The following LARGE1 variants were observed in gnomAD, a reference collection of about 807,000 sequenced individuals.
LARGE1 encodes xylosyl- and glucuronyltransferase LARGE1.
LARGE1 carries 43 observed loss-of-function variants against 87.6 expected under a neutral mutation model. That is an observed-to-expected ratio of 0.49 (90% CI 0.38 to 0.63). The LOEUF (loss-of-function observed/expected upper bound fraction) is 0.63, where lower values mean the gene tolerates loss of function less well. Ranked by LOEUF, LARGE1 falls within the 30% of genes least tolerant of loss-of-function variation. The pLI is 0.00. For synonymous variants in LARGE1, 434 were observed against 394.6 expected, an observed-to-expected ratio of 1.10 and a Z score of -1.18; for missense variants, 802 against 1,000.2, an observed-to-expected ratio of 0.80 and a Z score of 2.67.
chr22:33,769,243 G>C (rs1289636806), intron 1 of LARGE1, among the ~76,000 whole-genome samples: 1 of 152,162 alleles, frequency 6.6e-6, no homozygotes, highest in Middle Eastern at 3.2e-3. Flanking sequence ...TGACTGAAGA[G>C]CACCAGCACC....
chr22:33,339,077 G>C (rs1035505733), intron 9 of LARGE1, among the ~76,000 whole-genome samples: 11 of 151,768 alleles, frequency 7.2e-5, no homozygotes, highest in Admixed American at 2.0e-4. Context: ...GAACCCAGGA[G>C]GTGGAGGTTG....
At chr22:33,624,655 CT>C (rs1213364024) in intron 4 of LARGE1, among the ~76,000 whole-genome samples, 2 of 152,164 alleles carry the variant, frequency 1.3e-5, no homozygotes, top group Non-Finnish European at 1.5e-5. Flanking sequence ...ACAGAAAGCA[CT>C]ATGGAGATCA....
At chr22:33,736,604 A>G (rs534617036) in intron 2 of LARGE1, among the ~76,000 whole-genome samples, 3 of 152,334 alleles carry the variant, frequency 2.0e-5, no homozygotes, top group African/African-American at 7.2e-5. Context: ...TTCTTGAAGG[A>G]ACCCTCTGAA....
chr22:33,112,713 A>G, the LARGE1 span, among the ~76,000 whole-genome samples: 1 of 152,192 alleles, frequency 6.6e-6, no homozygotes, highest in East Asian at 1.9e-4. Context: ...GTTAGGACAC[A>G]AAGAGAATGT....
At chr22:33,898,181 T>A (rs2065193757) in intron 1 of LARGE1, among the ~76,000 whole-genome samples, 1 of 152,190 alleles carries the variant, frequency 6.6e-6, no homozygotes, top group Non-Finnish European at 1.5e-5. Context: ...TCCTGAATGA[T>A]GCGGAAGACA....
At chr22:33,813,148 G>A (rs2086549502) in intron 1 of LARGE1, among the ~76,000 whole-genome samples, 1 of 151,776 alleles carries the variant, frequency 6.6e-6, no homozygotes, top group Admixed American at 6.6e-5. Context: ...CTGAGGTCAG[G>A]AGCTCGAGAC....
intron 6 of LARGE1, among the ~76,000 whole-genome samples, chr22:33,558,227 T>G (rs897514575): frequency 3.3e-4 from 50 of 152,184 alleles, no homozygotes; most frequent in African/African-American, 1.2e-3. Flanking sequence ...AAAATCTGAC[T>G]GGCATAAGGT....
rs2077234651 is a variant in LARGE1 at position 33,542,234 on chromosome 22, TATAGA to T, written c.787+22609_787+22613del. ...CTGCTACCAGATCTGTCTCCAGAGATATAGACTACAATCTAGCATGATTTGGAAGC... is the reference window on the plus strand; with the variant it reads ...CTGCTACCAGATCTGTCTCCAGAGATCTACAATCTAGCATGATTTGGAAGC... On this transcript the variant is annotated intron_variant, in intron 6 of 14. Transcript: ENST00000397394. 1.5e-4 allele frequency among the ~76,000 whole-genome samples: 23 copies of T among 151,226 alleles called. 1 individual carries two copies. The highest frequency in any genetic ancestry group is 5.6e-4 in the African/African-American group (23 of 41,198).
intron 1 of LARGE1, among the ~76,000 whole-genome samples, chr22:33,778,131 C>A (rs1177282670): frequency 1.3e-5 from 2 of 152,182 alleles, no homozygotes; most frequent in African/African-American, 4.8e-5. Context: ...TTCTTTTAGA[C>A]AGATGGAAAC....
intron 12 of LARGE1, among the ~76,000 whole-genome samples, chr22:33,301,439 A>C (rs1467104282): frequency 3.9e-5 from 6 of 152,140 alleles, no homozygotes; most frequent in Non-Finnish European, 8.8e-5. Flanking sequence ...TTTTGCTCCA[A>C]ATCATCATCT....
intron 6 of LARGE1, among the ~76,000 whole-genome samples, chr22:33,520,050 G>A (rs1477723401): frequency 6.9e-6 from 1 of 145,010 alleles, no homozygotes; most frequent in Non-Finnish European, 1.5e-5. Flanking sequence ...TGTCACCCAG[G>A]CTGGAGTGCG....
At chr22:33,504,523 G>A (rs1204282071) in intron 6 of LARGE1, among the ~76,000 whole-genome samples, 5 of 152,176 alleles carry the variant, frequency 3.3e-5, no homozygotes, top group Non-Finnish European at 7.4e-5. Flanking sequence ...GCCTCCCAAG[G>A]TACTGGGATT....
intron 1 of LARGE1, among the ~76,000 whole-genome samples, chr22:33,818,965 C>A (rs1366065196): frequency 6.6e-6 from 1 of 152,180 alleles, no homozygotes; most frequent in African/African-American, 2.4e-5. Flanking sequence ...ACACCGCATT[C>A]CTATTTCCCA....
intron 7 of LARGE1, among the ~76,000 whole-genome samples, chr22:33,388,248 T>C (rs1380605943): frequency 7.9e-5 from 12 of 152,214 alleles, no homozygotes; most frequent in Admixed American, 3.9e-4. Flanking sequence ...GTTTTTGCCA[T>C]TATGAACAAT....
chr22:33,918,996 G>A (rs574356706), intron 1 of LARGE1, among the ~76,000 whole-genome samples: 1 of 151,198 alleles, frequency 6.6e-6, no homozygotes, highest in African/African-American at 2.4e-5. Context: ...AATGTAAGCT[G>A]CTATTTTGCT....
At chr22:33,197,528 T>C (rs973052774) in intron 11 of LARGE1, among the ~76,000 whole-genome samples, 1 of 152,072 alleles carries the variant, frequency 6.6e-6, no homozygotes, top group Non-Finnish European at 1.5e-5. Flanking sequence ...ATTAATTTCA[T>C]TTATACTAGC....
intron 7 of LARGE1, among the ~76,000 whole-genome samples, chr22:33,398,933 C>G (rs2065843774): frequency 6.6e-6 from 1 of 152,182 alleles, no homozygotes. Flanking sequence ...AACACCTTCA[C>G]ATGGACTTCT....
intron 1 of LARGE1, among the ~76,000 whole-genome samples, chr22:33,847,610 C>T (rs563401655): frequency 6.6e-6 from 1 of 152,152 alleles, no homozygotes; most frequent in African/African-American, 2.4e-5. Flanking sequence ...ATAGCCAGCC[C>T]CATTAAATCC....
At chr22:33,826,848 A>G (rs2062805375) in intron 1 of LARGE1, among the ~76,000 whole-genome samples, 1 of 152,068 alleles carries the variant, frequency 6.6e-6, no homozygotes, top group African/African-American at 2.4e-5. Context: ...TTTTAAAAAA[A>G]CAATAAAAAA....
Sources: gnomAD v4.1 joint callset for allele counts (sites outside exome capture counted in the v4.1 genomes callset) on GRCh38, gnomAD v4.1.1 for gene constraint, MANE v1.5 for transcripts, NCBI Gene and HGNC (gene_info 2026-07-23, HGNC 2026-07-21) for gene names.